The following AHCTF1 variants were observed in gnomAD, a reference collection of about 807,000 sequenced individuals.
The protein encoded by AHCTF1 is protein ELYS.
In AHCTF1, 24 loss-of-function variants were observed where a neutral mutation model predicts 248.4. The observed-to-expected ratio is 0.10, with a 90% CI of 0.07 to 0.14. The LOEUF is 0.14. Ranked by LOEUF, AHCTF1 falls within the 10% of genes least tolerant of loss-of-function variation. The pLI is 1.00. For synonymous variants in AHCTF1, 786 were observed against 929.8 expected, an observed-to-expected ratio of 0.85 and a Z score of 2.81; for missense variants, 2,206 against 2,636.2, an observed-to-expected ratio of 0.84 and a Z score of 3.57.
chr1:246,864,125 A>G lies in AHCTF1; in HGVS notation c.3348-9T>C. 1 of 1,611,446 alleles carries G rather than the reference A, an allele frequency of 6.2e-7. No homozygotes were observed. Among genetic ancestry groups the G allele is most frequent in the Non-Finnish European group, 8.5e-7 (1 of 1,178,952 alleles). On this transcript the variant is annotated splice_polypyrimidine_tract_variant and intron_variant, in intron 26 of 35. Transcript: ENST00000648844. ...CAACCAAATCTAGCAGTCTGTAATC[A>G]GAATGCGCATTTATTGAGTTATACT...
chr1:246,900,546 A>C, intron 8 of AHCTF1, 77 bp from the exon 9 acceptor site: 2 of 1,429,750 alleles, frequency 1.4e-6, no homozygotes, highest in Non-Finnish European at 1.9e-6. Context: ...TTATAGCAAG[A>C]TTTTCTCATA....
At chr1:246,887,515 T>C (rs1197334142) in intron 19 of AHCTF1, among the ~76,000 whole-genome samples, 158 bp from the exon 20 acceptor site, 1 of 152,204 alleles carries the variant, frequency 6.6e-6, no homozygotes, top group Non-Finnish European at 1.5e-5. Context: ...AATGAGAAGA[T>C]AGTTTTAGTA....
At chr1:246,915,949 T>C (rs2103222655) in intron 3 of AHCTF1, among the ~76,000 whole-genome samples, 193 bp downstream of exon 3, 1 of 152,350 alleles carries the variant, frequency 6.6e-6, no homozygotes, top group Middle Eastern at 3.4e-3. Flanking sequence ...AAATGTTAAG[T>C]TCCTTGAATA....
intron 6 of AHCTF1, among the ~76,000 whole-genome samples, chr1:246,904,318 T>C (rs1329974501): frequency 6.6e-6 from 1 of 152,218 alleles, no homozygotes; most frequent in Non-Finnish European, 1.5e-5. Context: ...AAATATTCCT[T>C]CCTCAATGGT....
chr1:246,881,405 CAG>C (rs1033219545), intron 21 of AHCTF1, among the ~76,000 whole-genome samples: 3 of 152,100 alleles, frequency 2.0e-5, no homozygotes, highest in Non-Finnish European at 4.4e-5. Flanking sequence ...ATTCAGGACA[CAG>C]AAAGATTAAA....
intron 6 of AHCTF1, among the ~76,000 whole-genome samples, chr1:246,904,529 T>C (rs983270555): frequency 5.9e-5 from 9 of 152,172 alleles, no homozygotes; most frequent in African/African-American, 2.2e-4. Context: ...TTGCTATTTT[T>C]ACTTAAAATG....
At chr1:246,899,370 A>G in intron 11 of AHCTF1, 81 bp downstream of exon 11, 1 of 1,185,422 alleles carries the variant, frequency 8.4e-7, no homozygotes, top group Non-Finnish European at 1.2e-6. Flanking sequence ...CAATATCACT[A>G]AGTAAAACTT....
chr1:246,928,929 C>T (rs966720716), intron 1 of AHCTF1, among the ~76,000 whole-genome samples: 1 of 152,166 alleles, frequency 6.6e-6, no homozygotes, highest in African/African-American at 2.4e-5. Flanking sequence ...ACTTTTAAAA[C>T]ACCGTGTTAG....
intron 21 of AHCTF1, among the ~76,000 whole-genome samples, chr1:246,878,773 T>C (rs1663178461): frequency 2.0e-5 from 3 of 152,194 alleles, no homozygotes; most frequent in African/African-American, 7.2e-5. Context: ...TCTGTTACTT[T>C]TGTTGTTCTG....
intron 24 of AHCTF1, among the ~76,000 whole-genome samples, chr1:246,869,000 A>T (rs571373007): frequency 6.0e-5 from 9 of 150,442 alleles, no homozygotes; most frequent in South Asian, 2.1e-4. Flanking sequence ...GCCCGCCACC[A>T]TGCCTGGCTA....
At chr1:246,912,465 G>A (rs1665879939) in intron 4 of AHCTF1, among the ~76,000 whole-genome samples, 1 of 150,854 alleles carries the variant, frequency 6.6e-6, no homozygotes. Flanking sequence ...CCTGGCAACA[G>A]AGCGAGACGC....
chr1:246,913,719 A>G (rs1031636037), intron 3 of AHCTF1, among the ~76,000 whole-genome samples: 1 of 152,228 alleles, frequency 6.6e-6, no homozygotes, highest in Non-Finnish European at 1.5e-5. Context: ...ATAGTAGACT[A>G]TGTGTGAGTA....
At chr1:246,898,099 A>C in intron 12 of AHCTF1, 109 bp downstream of exon 12, 1 of 1,462,246 alleles carries the variant, frequency 6.8e-7, no homozygotes, top group Non-Finnish European at 9.4e-7. Context: ...AGTCAGCATT[A>C]CACTACTTCA....
rs143584393 is a variant in AHCTF1 at position 246,861,785 on chromosome 1, T to C, written c.3735+174A>G. Among the ~76,000 whole-genome samples the C allele has an allele frequency of 9.8e-3, 1,491 of 152,344 alleles. 19 individuals carry two copies. The highest frequency in any genetic ancestry group is 0.02 in the Middle Eastern group (6 of 294). On this transcript the variant is annotated intron_variant, in intron 28 of 35. Coordinates refer to ENST00000648844, the MANE Select transcript of AHCTF1 (RefSeq NM_001323342.2). ...AAGATGATGGGTTTGGCTTAGCCAA[T>C]GGCCCTAGTGTTTCTTTCAGAACTA...
At chr1:246,885,457 C>T (rs376641485) in intron 21 of AHCTF1, 36 bp downstream of exon 21, 20 of 1,517,018 alleles carry the variant, frequency 1.3e-5, no homozygotes, top group African/African-American at 9.7e-5. Flanking sequence ...TTAACAGATA[C>T]GATAAAGACT....
intron 33 of AHCTF1, among the ~76,000 whole-genome samples, chr1:246,846,529 A>G (rs1176638466): frequency 1.3e-5 from 2 of 152,102 alleles, no homozygotes; most frequent in East Asian, 1.9e-4. Flanking sequence ...GGCAGAAATG[A>G]GAGATCTCAA....
chr1:246,850,239 C>A lies in AHCTF1; in HGVS notation c.5767G>T (p.Asp1923Tyr). The A allele has an allele frequency of 1.2e-6, 2 of 1,613,944 alleles. No homozygotes were observed. Among genetic ancestry groups the A allele is most frequent in the Non-Finnish European group, 1.7e-6 (2 of 1,179,860 alleles). The change falls in exon 33 of 36, where the codon GAT becomes TAT. Residue 1923 changes from aspartate (D) to tyrosine (Y), a missense_variant. Around this residue, in one of 6 missense-constraint regions of AHCTF1, gnomAD observed 469 missense variants for 470.0 expected, o/e 1.00. Coordinates refer to ENST00000648844, the MANE Select transcript of AHCTF1 (RefSeq NM_001323342.2). Reference sequence around the variant, plus strand: ...CGCAGCTGCTTGTCACTGGATTTATCATCTTGCTTATTTCCTGTATTTTCA... The same window carrying A: ...CGCAGCTGCTTGTCACTGGATTTATAATCTTGCTTATTTCCTGTATTTTCA... ...ASENTGNKQDDKSSDKQLRIK... is the reference protein window; with the variant it reads ...ASENTGNKQDYKSSDKQLRIK...
rs752428674 is a variant in AHCTF1, at chr1:246,849,990, T to C, written c.6016A>G (p.Arg2006Gly). 9.9e-6 allele frequency: 16 copies of C among 1,613,808 alleles called. No individual in the cohort carries two copies. The South Asian group carries it at 1.3e-4, about 13-fold the overall frequency. ...SPKKKEAPSI[R>G]RRSTRNTPAK... Reference sequence around the variant, plus strand: ...GGGGTATTTCTTGTAGATCTCCTTCTAATGCTGGGAGCTTCTTTCTTCTTG... The same window carrying C: ...GGGGTATTTCTTGTAGATCTCCTTCCAATGCTGGGAGCTTCTTTCTTCTTG... The change falls in exon 33 of 36, where the codon AGA (arginine) becomes GGA (glycine). Residue 2006 changes from arginine to glycine, a missense_variant. This residue lies in a region of AHCTF1 where 469 missense variants were observed against 470.0 expected (regional missense o/e 1.00). Transcript: ENST00000648844.
At chr1:246,853,801 C>A (rs1023586152) in intron 31 of AHCTF1, among the ~76,000 whole-genome samples, 1 of 149,258 alleles carries the variant, frequency 6.7e-6, no homozygotes, top group Non-Finnish European at 1.5e-5. Flanking sequence ...TAAAAAAGCA[C>A]AAAAATAAAA....
Sources: allele counts gnomAD v4.1 joint callset (sites outside exome capture counted in the v4.1 genomes callset), GRCh38; gene constraint gnomAD v4.1.1; regional missense constraint gnomAD v4.1.1; transcripts MANE v1.5; gene names NCBI Gene and HGNC (gene_info 2026-07-23, HGNC 2026-07-21).